SOX5: variants seen among roughly 807,000 people sequenced by gnomAD.
SOX5 encodes transcription factor SOX-5.
SOX5 carries 9 observed loss-of-function variants against 92.0 expected under a neutral mutation model. The ratio of observed to expected loss-of-function variants is 0.10; its 90% confidence interval spans 0.06 to 0.17. The LOEUF (loss-of-function observed/expected upper bound fraction) is 0.17, where lower values mean the gene tolerates loss of function less well. Ranked by LOEUF, SOX5 falls within the 10% of genes least tolerant of loss-of-function variation. The pLI is 1.00. For missense variants in SOX5, 642 were observed against 944.5 expected (o/e 0.68, Z 4.20); for synonymous variants, 344 against 336.3 (o/e 1.02, Z -0.25).
At position 24,531,012 on chromosome 12, in the gene SOX5, TAA is replaced by T. The variant is rs1368258440; in HGVS notation, c.-251+31315_-251+31316del. Among the ~76,000 whole-genome samples, 6 of 152,322 alleles carry T rather than the reference TAA, an allele frequency of 3.9e-5. No homozygotes were observed. The South Asian group carries it at 8.3e-4, about 21-fold the overall frequency. ...TGGCCTTTTAAAATTTATGACTATA[TAA>T]GTTAGTTGTGAAACTCTGTACACAT... is the stretch of plus-strand genomic sequence containing the variant. On this transcript the variant is annotated intron_variant, in intron 1 of 4. Transcript: ENST00000446891.
intron 1 of SOX5, among the ~76,000 whole-genome samples, chr12:24,490,902 A>G (rs145060229): frequency 2.4e-4 from 37 of 152,312 alleles, no homozygotes; most frequent in Admixed American, 9.2e-4. Flanking sequence ...CTAAAAAATG[A>G]TATCACCCCC....
intron 3 of SOX5, among the ~76,000 whole-genome samples, chr12:24,243,589 T>C (rs919826278): frequency 1.3e-5 from 2 of 152,194 alleles, no homozygotes; most frequent in Admixed American, 6.5e-5. Flanking sequence ...ACTTTTAATG[T>C]ATTGTTTAGA....
At chr12:24,243,016 T>C (rs1306873043) in intron 3 of SOX5, among the ~76,000 whole-genome samples, 1 of 152,174 alleles carries the variant, frequency 6.6e-6, no homozygotes, top group African/African-American at 2.4e-5. Flanking sequence ...GGAGTGTCTT[T>C]ATACATAGCA....
chr12:24,435,621 A>T (rs1164977911), intron 1 of SOX5, among the ~76,000 whole-genome samples: 1 of 152,256 alleles, frequency 6.6e-6, no homozygotes, highest in Non-Finnish European at 1.5e-5. Context: ...GAGCAAAAGA[A>T]GTTATTTTGT....
chr12:23,824,029 A>G (rs147718468), intron 3 of SOX5, among the ~76,000 whole-genome samples: 42 of 152,216 alleles, frequency 2.8e-4, no homozygotes, highest in Admixed American at 3.9e-4. Flanking sequence ...CCTTTTTTCA[A>G]TGTTCTTAGT....
At chr12:23,863,793 TACACACAC>T (rs71059936) in intron 2 of SOX5, among the ~76,000 whole-genome samples, 2,845 of 145,738 alleles carry the variant, frequency 0.02, 68 homozygotes, top group East Asian at 0.068. Context: ...TTAAACACAC[TACACACAC>T]ACACACACAC....
At chr12:24,345,826 TGTC>T (rs1219927694) in intron 2 of SOX5, among the ~76,000 whole-genome samples, 1 of 152,192 alleles carries the variant, frequency 6.6e-6, no homozygotes, top group East Asian at 1.9e-4. Context: ...TTAATAGAAT[TGTC>T]GTGAAGGAGA....
chr12:24,489,360 G>A (rs1852503802), intron 1 of SOX5, among the ~76,000 whole-genome samples: 1 of 152,148 alleles, frequency 6.6e-6, no homozygotes. Flanking sequence ...GAGAGTGTGG[G>A]AGAGAGAGGC....
intron 4 of SOX5, among the ~76,000 whole-genome samples, chr12:24,155,985 C>T (rs913786218): frequency 6.6e-6 from 1 of 152,136 alleles, no homozygotes; most frequent in Non-Finnish European, 1.5e-5. Flanking sequence ...TATTTCTGCT[C>T]AGACCTGATG....
At chr12:24,526,680 T>G (rs1354143944) in intron 1 of SOX5, among the ~76,000 whole-genome samples, 2 of 152,164 alleles carry the variant, frequency 1.3e-5, no homozygotes, top group African/African-American at 4.8e-5. Flanking sequence ...GCCCAGCACG[T>G]GCTACTCCTT....
chr12:23,589,018 G>C (rs1329100205), intron 9 of SOX5, among the ~76,000 whole-genome samples: 3 of 151,742 alleles, frequency 2.0e-5, no homozygotes, highest in African/African-American at 7.3e-5. Context: ...ATCTAGGTTT[G>C]TATAAGTACA....
intron 4 of SOX5, among the ~76,000 whole-genome samples, chr12:24,040,412 A>G (rs1956407025): frequency 6.6e-6 from 1 of 152,260 alleles, no homozygotes; most frequent in Non-Finnish European, 1.5e-5. Context: ...TGGTAGAAAC[A>G]AAGTAATTGT....
chr12:23,721,355 G>A (rs899428800), intron 6 of SOX5, among the ~76,000 whole-genome samples: 2 of 152,164 alleles, frequency 1.3e-5, no homozygotes, highest in African/African-American at 2.4e-5. Flanking sequence ...AAAGCGCTGG[G>A]ATTACAGGCA....
chr12:24,224,566 T>G (rs1961426540), intron 3 of SOX5, among the ~76,000 whole-genome samples: 1 of 152,098 alleles, frequency 6.6e-6, no homozygotes, highest in Non-Finnish European at 1.5e-5. Flanking sequence ...TGGGTGTGTG[T>G]GTGTATGCAG....
chr12:23,955,654 C>T (rs972458668), upstream of SOX5, among the ~76,000 whole-genome samples: 12 of 151,964 alleles, frequency 7.9e-5, no homozygotes, highest in Non-Finnish European at 1.5e-4. Flanking sequence ...TTGTGATACA[C>T]ATGGTGATGT....
In SOX5 at chr12:24,272,947, C is replaced by T. The variant is rs1475047461; in HGVS notation, c.-77+4269G>A. Reference sequence around the variant, plus strand: ...AAAAAAAAAATTATGTAACATTAGACTTTGGCTGAGTGCAGTGGCTCACGC... The same window carrying T: ...AAAAAAAAAATTATGTAACATTAGATTTTGGCTGAGTGCAGTGGCTCACGC... On this transcript the variant is annotated intron_variant, in intron 3 of 4. Transcript: ENST00000446891. 4.6e-5 allele frequency among the ~76,000 whole-genome samples: 7 copies of T among 152,024 alleles called. No homozygotes were observed. The East Asian group carries it at 1.3e-3, about 29-fold the overall frequency.
chr12:24,097,032 A>G (rs1336453150), intron 4 of SOX5, among the ~76,000 whole-genome samples: 1 of 152,106 alleles, frequency 6.6e-6, no homozygotes. Flanking sequence ...ATCCTTACCA[A>G]TGCTAGTTAT....
intron 3 of SOX5, among the ~76,000 whole-genome samples, chr12:23,837,956 ATATGTT>A (rs1302219275): frequency 4.1e-5 from 5 of 122,294 alleles, no homozygotes; most frequent in African/African-American, 1.6e-4. Context: ...TTTATATAGT[ATATGTT>A]TATATTTATA....
At chr12:23,730,160 A>C (rs1228197362) in intron 6 of SOX5, among the ~76,000 whole-genome samples, 1 of 152,210 alleles carries the variant, frequency 6.6e-6, no homozygotes, top group East Asian at 1.9e-4. Context: ...AAAAAAGAAA[A>C]TAGGAAATAA....
Sources: gnomAD v4.1 joint callset for allele counts (sites outside exome capture counted in the v4.1 genomes callset) on GRCh38, gnomAD v4.1.1 for gene constraint, MANE v1.5 for transcripts, NCBI Gene and HGNC (gene_info 2026-07-23, HGNC 2026-07-21) for gene names.